LCN10: variants seen among roughly 807,000 people sequenced by gnomAD.
LCN10 encodes the protein lipocalin 10.
In LCN10, 18 loss-of-function variants were observed where a neutral mutation model predicts 25.1. That is an observed-to-expected ratio of 0.72 (90% CI 0.50 to 1.06). The LOEUF is 1.06. LCN10 is among the 50% of genes least tolerant of loss of function. The pLI is 0.00. For missense variants in LCN10, 257 were observed against 258.9 expected (o/e 0.99, Z 0.05); for synonymous variants, 130 against 116.7 (o/e 1.11, Z -0.73).
chr9:136,742,462 G>C (rs1044623445), intron 1 of LCN10: 1 of 436,980 alleles, frequency 2.3e-6, no homozygotes, highest in East Asian at 4.0e-5. Flanking sequence ...GGGCCCTCCC[G>C]CTACAGAATA....
Position 136,739,519 on chromosome 9 carries a change from T to A in LCN10, c.*6A>T. On this transcript the variant is annotated 3_prime_UTR_variant, in exon 6 of 6. Transcript: ENST00000497771. The surrounding 1 kb of genome is among the most constrained non-coding windows in gnomAD (Gnocchi z 6.1). ...GTCGAAAGGGAAGAGCAGAGGACGC[T>A]GGCTCTCATGGCAGGATGGTGTGTG... 3 of 1,599,780 alleles carry A rather than the reference T, an allele frequency of 1.9e-6. No homozygotes were observed. The highest frequency in any genetic ancestry group is 2.6e-6 in the Non-Finnish European group (3 of 1,173,624).
intron 3 of LCN10, 117 bp from the exon 4 acceptor site, chr9:136,741,060 G>A (rs374961866): frequency 9.6e-7 from 1 of 1,045,014 alleles, no homozygotes. Context: ...CAGGTGTCCA[G>A]AGGGACTGAG....
At position 136,742,820 on chromosome 9, in the gene LCN10, G is replaced by A. The variant is rs147075752; in HGVS notation, c.84C>T (p.Tyr28=). ...AGTTGAGGGCGTGGGACTCCCTGGG[G>A]TACCACTCCTGCACCTGGGACCCTG... ...LAAGSQVQEW[Y]PRESHALNWN... The change falls in exon 1 of 6, where the codon TAC becomes TAT. Residue 28 remains tyrosine (Y), a synonymous_variant. Coordinates refer to ENST00000497771, the MANE Select transcript of LCN10 (RefSeq NM_001001712.3). 11 of 1,613,540 alleles carry A rather than the reference G, an allele frequency of 6.8e-6. No individual in the cohort carries two copies. In the African/African-American group the frequency reaches 1.1e-4, roughly 16 times the overall value.
intron 1 of LCN10, chr9:136,742,548 C>T: frequency 1.7e-6 from 1 of 573,446 alleles, no homozygotes; most frequent in Non-Finnish European, 3.1e-6. Context: ...CTGGGCCCCT[C>T]CACCCTGGCC....
intron 2 of LCN10, chr9:136,741,567 C>T (rs1434157326): frequency 1.6e-6 from 1 of 606,676 alleles, no homozygotes. Context: ...CCAATTCGGA[C>T]TGGGGCCTGT....
rs903811870 is a variant in LCN10 at position 136,738,467 on chromosome 9, G to T, written c.*1058C>A. ...ATCTCTTCTCGGGCCAGAAGGAGGG[G>T]CTGACCCCTTACCCCGTCATGGCTG... is the stretch of plus-strand genomic sequence containing the variant. On this transcript the variant is annotated 3_prime_UTR_variant, in exon 6 of 6. Transcript: ENST00000497771. 9 of 152,380 alleles carry T rather than the reference G, an allele frequency of 5.9e-5. No individual in the cohort carries two copies. Among genetic ancestry groups the T allele is most frequent in the African/African-American group, 2.2e-4 (9 of 41,568 alleles). 9.4% of individuals were successfully genotyped at this position (152,380 alleles called of 1,614,324 possible).
At position 136,739,957 on chromosome 9, in the gene LCN10, CG is replaced by C; in HGVS notation, c.566del (p.Pro189ArgfsTer49). On this transcript the variant is annotated frameshift_variant, in exon 5 of 6. Transcript: ENST00000497771. LOFTEE classifies it high-confidence loss of function. This position sits in a 1 kb window ranked among gnomAD's most constrained non-coding sequence, Gnocchi z 6.1. Reference protein sequence around the residue: ...LGLSKAAVILPKDASRTHTIL... With the variant: ...LGLSKAAVILXKDASRTHTIL... ...GCTGAGGGCACAGCTTACCGTCTTT[CG>C]GGAGGATGACGGCGGCCTTGGAGAG... The C allele has an allele frequency of 6.3e-7, 1 of 1,587,100 alleles. No homozygotes were observed. The highest frequency in any genetic ancestry group is 8.6e-7 in the Non-Finnish European group (1 of 1,166,416).
In LCN10 at chr9:136,740,935, C is replaced by T. The variant is rs139679398; in HGVS notation, c.376G>A (p.Val126Met). 2.0e-4 allele frequency: 326 copies of T among 1,613,188 alleles called. 1 individual carries two copies. The African/African-American group carries it at 3.9e-3, about 20-fold the overall frequency. ...GTGGACAGCACGTGGAAGGCCTTCACCCCTTTCACTGAAAGAGATGCCCAG... is the reference window on the plus strand; with the variant it reads ...GTGGACAGCACGTGGAAGGCCTTCATCCCTTTCACTGAAAGAGATGCCCAG... Reference protein sequence around the residue: ...PREGQEGVKGVKAFHVLSTDY... With the variant: ...PREGQEGVKGMKAFHVLSTDY... Residue 126 changes from valine to methionine, a missense_variant, in exon 4 of 6, where the codon GTG (valine) becomes ATG (methionine). Val to Met is a conservative substitution (Grantham distance 21). Transcript: ENST00000497771. The surrounding 1 kb of genome is among the most constrained non-coding windows in gnomAD (Gnocchi z 5.3).
chr9:136,740,149 T>C lies in LCN10; in HGVS notation c.476-101A>G. ...TACCCCAGGAGCTGCTGAAATGTCC[T>C]CAGAGCTTAGGCGTGAAGCAGGGGT... On this transcript the variant is annotated intron_variant, in intron 4 of 5. Transcript: ENST00000497771. The surrounding 1 kb of genome is among the most constrained non-coding windows in gnomAD (Gnocchi z 5.3). The C allele has an allele frequency of 1.2e-6, 1 of 838,426 alleles. No individual in the cohort carries two copies. The allele number at this position is 838,426 out of a possible 1,614,324, so 51.9% of individuals were successfully genotyped here. A position where few individuals can be genotyped will look rare whatever the true frequency, so the allele number is the denominator to read the frequency against.
intron 2 of LCN10, 134 bp downstream of exon 2, chr9:136,741,747 G>T (rs758301932): frequency 1.6e-6 from 2 of 1,244,444 alleles, no homozygotes; most frequent in African/African-American, 1.5e-5. Context: ...TCTGAGTTTA[G>T]GGGGAGGAAG....
intron 2 of LCN10, 24 bp downstream of exon 2, chr9:136,741,857 G>A (rs374001942): frequency 9.5e-6 from 15 of 1,587,040 alleles, no homozygotes; most frequent in Non-Finnish European, 1.3e-5. Flanking sequence ...GGAGACCCTT[G>A]CCTGGGGGGC....
Position 136,740,998 on chromosome 9 carries a change from G to T in LCN10, c.368-55C>A. 1.4e-6 allele frequency: 2 copies of T among 1,465,114 alleles called. No individual in the cohort carries two copies. Among genetic ancestry groups the T allele is most frequent in the Non-Finnish European group, 1.9e-6 (2 of 1,054,024 alleles). 90.8% of individuals were successfully genotyped at this position (1,465,114 alleles called of 1,614,324 possible). A position where few individuals can be genotyped will look rare whatever the true frequency, so the allele number is the denominator to read the frequency against. On this transcript the variant is annotated intron_variant, in intron 3 of 5. Coordinates refer to ENST00000497771, the MANE Select transcript of LCN10 (RefSeq NM_001001712.3). The surrounding 1 kb of genome is among the most constrained non-coding windows in gnomAD (Gnocchi z 5.3). ...GTTCCCGGATGGCGTGGCTGTGCCC[G>T]CCCACAGCCCTGACCCCTGGTGCCC...
rs1846943069 is a variant in LCN10 at position 136,741,860 on chromosome 9, TG to T, written c.257+20del. 6.3e-6 allele frequency: 10 copies of T among 1,590,540 alleles called. No homozygotes were observed. The highest frequency in any genetic ancestry group is 2.3e-5 in the East Asian group (1 of 43,782). On this transcript the variant is annotated intron_variant, in intron 2 of 5. Transcript: ENST00000497771. ...CCTCCTGGAAGGGGAGACCCTTGCC[TG>T]GGGGGCGCTGCCCACTCACCGTCTG...
At position 136,739,772 on chromosome 9, in the gene LCN10, C is replaced by T. The variant is rs1846893994; in HGVS notation, c.574+178G>A. 1.3e-6 allele frequency: 1 copy of T among 756,048 alleles called. No individual in the cohort carries two copies. The highest frequency in any genetic ancestry group is 2.3e-6 in the Non-Finnish European group (1 of 443,124). 46.8% of individuals were successfully genotyped at this position (756,048 alleles called of 1,614,324 possible). On this transcript the variant is annotated intron_variant, in intron 5 of 5. Transcript: ENST00000497771. This position sits in a 1 kb window ranked among gnomAD's most constrained non-coding sequence, Gnocchi z 6.1. The stretch of plus-strand genomic sequence containing the variant: ...ACGCCTCTCGCTGTCGGTGCCAGGC[C>T]TGCCAGGCCAAGCCCCGATTCTCAG...
Position 136,740,583 on chromosome 9 carries a change from G to C in LCN10, c.475+253C>G, listed in dbSNP as rs962996368. 111 of 532,804 alleles carry C rather than the reference G, an allele frequency of 2.1e-4. 1 individual carries two copies. The South Asian group carries it at 2.8e-3, about 14-fold the overall frequency. 33.0% of individuals were successfully genotyped at this position (532,804 alleles called of 1,614,324 possible). A position where few individuals can be genotyped will look rare whatever the true frequency, so the allele number is the denominator to read the frequency against. On this transcript the variant is annotated intron_variant, in intron 4 of 5. Coordinates refer to ENST00000497771, the MANE Select transcript of LCN10 (RefSeq NM_001001712.3). The surrounding 1 kb of genome is among the most constrained non-coding windows in gnomAD (Gnocchi z 5.3). ...TTGCACCTGCACCCGCCACCATCCT[G>C]GTGGCCTCCGCTCCCCCTGGATGGC...
intron 3 of LCN10, 115 bp downstream of exon 3, chr9:136,741,137 C>A: frequency 9.1e-7 from 1 of 1,092,954 alleles, no homozygotes; most frequent in Non-Finnish European, 1.3e-6. Flanking sequence ...TCTGGGAACA[C>A]AGCCAGCCTG....
rs938000186 is a variant in LCN10 at position 136,741,440 on chromosome 9, C to T, written c.258-79G>A. The T allele has an allele frequency of 2.0e-5, 23 of 1,151,920 alleles. No individual in the cohort carries two copies. In the East Asian group the frequency reaches 2.2e-4, roughly 11 times the overall value. The allele number at this position is 1,151,920 out of a possible 1,614,324, so 71.4% of individuals were successfully genotyped here. On this transcript the variant is annotated intron_variant, in intron 2 of 5. Coordinates refer to ENST00000497771, the MANE Select transcript of LCN10 (RefSeq NM_001001712.3). ...TGCCAGCCACCGAGCCCCACCCACA[C>T]GTCTCGGTCCCGCCCCTGCTCCCGT...
At chr9:136,742,585 C>T (rs1165326280) in intron 1 of LCN10, 4 of 627,998 alleles carry the variant, frequency 6.4e-6, no homozygotes, top group South Asian at 2.2e-5. Context: ...GGCCCCCGAA[C>T]CCCCTCGAGG....
In LCN10 at chr9:136,742,368, C is replaced by A. The variant is rs1588298386; in HGVS notation, c.118-348G>T. On this transcript the variant is annotated intron_variant, in intron 1 of 5. Coordinates refer to ENST00000497771, the MANE Select transcript of LCN10 (RefSeq NM_001001712.3). ...TCCCTTCCTGCCGGCCCCCGGCCCC[C>A]AACTCTGCCTGCTGCCAACCCTAGC... 1.2e-5 allele frequency: 5 copies of A among 415,640 alleles called. No individual in the cohort carries two copies. In the South Asian group the frequency reaches 1.3e-4, roughly 11 times the overall value. The allele number at this position is 415,640 out of a possible 1,614,324, so 25.7% of individuals were successfully genotyped here.
Sources: gnomAD v4.1 joint callset for allele counts on GRCh38, gnomAD v4.1.1 for gene constraint, Gnocchi (gnomAD v3.1) non-coding constraint, MANE v1.5 for transcripts, NCBI Gene and HGNC (gene_info 2026-07-23, HGNC 2026-07-21) for gene names.